Variants in OCA2 observed in about 807,000 individuals in gnomAD.
OCA2 encodes the protein OCA2 melanosomal transmembrane protein, also known as P protein.
In OCA2, 77 loss-of-function variants were observed where a neutral mutation model predicts 100.2. The ratio of observed to expected loss-of-function variants is 0.77; its 90% CI spans 0.64 to 0.93. The LOEUF is 0.93. OCA2 is among the 40% of genes least tolerant of loss of function. The probability of loss-of-function intolerance (pLI) is 0.00; values close to 1 mark genes in which losing one functional copy is unlikely to be tolerated. For synonymous variants in OCA2, 432 were observed against 439.2 expected, an observed-to-expected ratio of 0.98 and a Z score of 0.21; for missense variants, 1,062 against 1,089.1, an observed-to-expected ratio of 0.98 and a Z score of 0.35.
chr15:28,081,057 A>G (rs1482091594), intron 2 of OCA2, among the ~76,000 whole-genome samples: 1 of 152,088 alleles, frequency 6.6e-6, no homozygotes, highest in Non-Finnish European at 1.5e-5. Flanking sequence ...GTGCACATGG[A>G]CATAAAGAAG....
chr15:27,997,011 G>GAGAA (rs1304708283), intron 9 of OCA2, among the ~76,000 whole-genome samples: 17 of 121,878 alleles, frequency 1.4e-4, no homozygotes, highest in South Asian at 4.8e-4. Flanking sequence ...GAGAGAAAGA[G>GAGAA]AGAAAGAAAG....
chr15:28,090,401 T>C (rs1315037552), intron 1 of OCA2, among the ~76,000 whole-genome samples: 2 of 152,198 alleles, frequency 1.3e-5, no homozygotes, highest in Non-Finnish European at 2.9e-5. Context: ...CAGAATATTC[T>C]TACAAAGTGC....
At chr15:27,888,794 T>C (rs1330328274) in intron 19 of OCA2, among the ~76,000 whole-genome samples, 1 of 152,220 alleles carries the variant, frequency 6.6e-6, no homozygotes, top group Non-Finnish European at 1.5e-5. Flanking sequence ...TATGTATATG[T>C]GTGTGTATTT....
At chr15:27,977,014 GTTTAT>G (rs1350296615) in intron 14 of OCA2, among the ~76,000 whole-genome samples, 2 of 151,978 alleles carry the variant, frequency 1.3e-5, no homozygotes, top group Admixed American at 6.6e-5. Context: ...CCAAAAAATT[GTTTAT>G]TTTATCTAAG....
In OCA2 at chr15:28,024,885, AGCC is replaced by A. The variant is rs763726841; in HGVS notation, c.530_532del (p.Trp177del). The A allele has an allele frequency of 6.8e-6, 11 of 1,614,128 alleles. No individual in the cohort carries two copies. In the African/African-American group the frequency reaches 1.5e-4, roughly 22 times the overall value. On this transcript the variant is annotated inframe_deletion, in exon 5 of 24. Transcript: ENST00000354638. ...AAAGGCAAACAGGCCCATGACTTTC[AGCC>A]ACTGCACACAGCGCCTGCAAGAGAA...
intron 19 of OCA2, among the ~76,000 whole-genome samples, chr15:27,913,848 AAAGAAAG>A (rs1357496490): frequency 2.8e-4 from 9 of 32,408 alleles, no homozygotes; most frequent in East Asian, 0.043. Flanking sequence ...GGAAAGAAAG[AAAGAAAG>A]AAAGAAAGAA....
rs189144393 is a variant in OCA2, at chr15:28,080,205, C to T, written c.227+1443G>A. ...TTTAAAGAAAAGGAAAAGGCAAGCT[C>T]CTCGCTGGGAGAAGATCCTGCAACA... On this transcript the variant is annotated intron_variant, in intron 2 of 23. Coordinates refer to ENST00000354638, the MANE Select transcript of OCA2 (RefSeq NM_000275.3). 4.1e-4 allele frequency among the ~76,000 whole-genome samples: 63 copies of T among 152,294 alleles called. No homozygotes were observed. In the East Asian group the frequency reaches 7.3e-3, roughly 18 times the overall value.
chr15:27,867,917 C>T (rs938327961), intron 21 of OCA2, among the ~76,000 whole-genome samples: 1 of 152,194 alleles, frequency 6.6e-6, no homozygotes, highest in African/African-American at 2.4e-5. Context: ...AAGCTCCTTT[C>T]CTCCCTCAGG....
intron 2 of OCA2, among the ~76,000 whole-genome samples, chr15:28,069,143 A>T (rs2044114663): frequency 6.6e-6 from 1 of 152,110 alleles, no homozygotes; most frequent in South Asian, 2.1e-4. Context: ...GAAAAGAGGA[A>T]GTCAAGCTAT....
chr15:27,905,100 G>A (rs1327816271), intron 19 of OCA2, among the ~76,000 whole-genome samples: 1 of 149,312 alleles, frequency 6.7e-6, no homozygotes, highest in Admixed American at 6.8e-5. Context: ...GGAGGCAGAG[G>A]TTGCAATGAG....
At chr15:27,730,741 A>T in the OCA2 span, among the ~76,000 whole-genome samples, 2 of 15,930 alleles carry the variant, frequency 1.3e-4, no homozygotes, top group African/African-American at 1.3e-3. Context: ...AAATATATAT[A>T]TATATATATA....
chr15:27,756,914 G>C (rs1010510729), intron 23 of OCA2, among the ~76,000 whole-genome samples: 9 of 152,184 alleles, frequency 5.9e-5, no homozygotes, highest in African/African-American at 1.9e-4. Context: ...CTGATGTCTT[G>C]AGGATGGCAC....
intron 4 of OCA2, 115 bp from the exon 5 acceptor site, chr15:28,025,017 T>C: frequency 1.0e-6 from 1 of 959,032 alleles, no homozygotes. Flanking sequence ...TTTTGAATTC[T>C]TTCCATAACA....
chr15:27,788,141 G>A (rs1193488016), intron 23 of OCA2, among the ~76,000 whole-genome samples: 1 of 151,406 alleles, frequency 6.6e-6, no homozygotes, highest in African/African-American at 2.4e-5. Flanking sequence ...TTATGGCCTA[G>A]CTTATGGTCT....
At chr15:27,738,720 C>CAAAA in the OCA2 span, among the ~76,000 whole-genome samples, 9,084 of 142,020 alleles carry the variant, frequency 0.064, 830 homozygotes, top group African/African-American at 0.22. Flanking sequence ...GACTCGGTCT[C>CAAAA]AGAAAAAAAA....
In OCA2 at chr15:27,755,208, G is replaced by A. The variant is rs1233417155; in HGVS notation, c.*180C>T. On this transcript the variant is annotated 3_prime_UTR_variant, in exon 24 of 24. Transcript: ENST00000354638. Reference sequence around the variant, plus strand: ...GAAAGGACACACAGAGGAGGTCATGGTGTTCCAACATTCGCTTGAATTAGA... The same window carrying A: ...GAAAGGACACACAGAGGAGGTCATGATGTTCCAACATTCGCTTGAATTAGA... 1.6e-6 allele frequency: 1 copy of A among 621,408 alleles called. No homozygotes were observed. Among genetic ancestry groups the A allele is most frequent in the Non-Finnish European group, 3.0e-6 (1 of 334,942 alleles). 38.5% of individuals were successfully genotyped at this position (621,408 alleles called of 1,614,324 possible).
intron 12 of OCA2, among the ~76,000 whole-genome samples, chr15:27,985,781 G>A (rs372029158): frequency 4.1e-5 from 6 of 147,146 alleles, no homozygotes; most frequent in Non-Finnish European, 6.0e-5. Flanking sequence ...CAACCTCCAC[G>A]CCTGGGGTTC....
chr15:27,984,595 C>CT (rs2041282670), intron 13 of OCA2, among the ~76,000 whole-genome samples: 1 of 152,168 alleles, frequency 6.6e-6, no homozygotes, highest in Non-Finnish European at 1.5e-5. Flanking sequence ...GAGTCTCGCT[C>CT]TGTTGCCCAG....
In OCA2 at chr15:27,950,569, C is replaced by A. The variant is rs1004064327; in HGVS notation, c.1951+1215G>T. 2 of 517,168 alleles carry A rather than the reference C, an allele frequency of 3.9e-6. No homozygotes were observed. The highest frequency in any genetic ancestry group is 3.8e-5 in the African/African-American group (2 of 52,008). The allele number at this position is 517,168 out of a possible 1,614,324, so 32.0% of individuals were successfully genotyped here. The stretch of plus-strand genomic sequence containing the variant: ...CTTGAACCAAGCCCAGGCCACCTGG[C>A]AAGTTGGATTTGAGATTATCAAGAG... On this transcript the variant is annotated intron_variant, in intron 18 of 23. Transcript: ENST00000354638.
Sources: gnomAD v4.1 joint callset for allele counts (sites outside exome capture counted in the v4.1 genomes callset) on GRCh38, gnomAD v4.1.1 for gene constraint, MANE v1.5 for transcripts, NCBI Gene and HGNC (gene_info 2026-07-23, HGNC 2026-07-21) for gene names.